GAB2: variants seen among roughly 807,000 people sequenced by gnomAD.
GAB2 encodes GRB2 associated binding protein 2.
A neutral mutation model predicts 65.5 loss-of-function variants in GAB2; 26 were observed. That is an observed-to-expected ratio of 0.40 (90% CI 0.29 to 0.55). The LOEUF is 0.55. GAB2 is among the 20% of genes least tolerant of loss of function. GAB2 has a pLI of 0.53. For missense variants in GAB2, 884 were observed against 875.8 expected (o/e 1.01, Z -0.12); for synonymous variants, 321 against 329.6 (o/e 0.97, Z 0.28).
At chr11:78,306,894 A>G (rs1156280940) in intron 1 of GAB2, among the ~76,000 whole-genome samples, 1 of 152,240 alleles carries the variant, frequency 6.6e-6, no homozygotes, top group Non-Finnish European at 1.5e-5. Flanking sequence ...AGTCACAGAA[A>G]GAGATAAAGT....
intron 1 of GAB2, among the ~76,000 whole-genome samples, chr11:78,413,200 T>C (rs1857151515): frequency 6.6e-6 from 1 of 152,144 alleles, no homozygotes; most frequent in African/African-American, 2.4e-5. Flanking sequence ...AACTCTGAGA[T>C]GGAAATTTAA....
At chr11:78,227,157 A>T in intron 3 of GAB2, 106 bp from the exon 4 acceptor site, 1 of 713,508 alleles carries the variant, frequency 1.4e-6, no homozygotes, top group Non-Finnish European at 2.4e-6. Flanking sequence ...GGCATCTGTA[A>T]AATGGTGACT....
At chr11:78,338,065 A>G (rs1314363163) in intron 1 of GAB2, among the ~76,000 whole-genome samples, 1 of 152,240 alleles carries the variant, frequency 6.6e-6, no homozygotes, top group East Asian at 1.9e-4. Flanking sequence ...TCCATAAAGT[A>G]TAAAATGTTA....
chr11:78,397,124 CA>C (rs1217242048), intron 1 of GAB2, among the ~76,000 whole-genome samples: 1 of 151,856 alleles, frequency 6.6e-6, no homozygotes, highest in African/African-American at 2.4e-5. Flanking sequence ...CAAGTATTAA[CA>C]AAAAAATTCC....
intron 3 of GAB2, among the ~76,000 whole-genome samples, chr11:78,233,766 C>T (rs1287076368): frequency 6.6e-6 from 1 of 152,150 alleles, no homozygotes. Context: ...ACATCCACGC[C>T]TGTCTAATTT....
intron 1 of GAB2, among the ~76,000 whole-genome samples, chr11:78,390,230 C>T (rs971222710): frequency 6.6e-6 from 1 of 152,132 alleles, no homozygotes; most frequent in African/African-American, 2.4e-5. Context: ...CCAGGCTTGG[C>T]GAGGCTATTG....
chr11:78,236,238 A>G (rs186185701), intron 3 of GAB2, among the ~76,000 whole-genome samples: 30 of 152,314 alleles, frequency 2.0e-4, no homozygotes, highest in Non-Finnish European at 3.1e-4. Flanking sequence ...TCATTTTCCA[A>G]TTGTTCACTG....
At chr11:78,416,617 A>T (rs1857199590) in intron 1 of GAB2, among the ~76,000 whole-genome samples, 1 of 152,138 alleles carries the variant, frequency 6.6e-6, no homozygotes, top group African/African-American at 2.4e-5. Flanking sequence ...TTTCATGGGA[A>T]ACGGAGAGGG....
intron 1 of GAB2, among the ~76,000 whole-genome samples, chr11:78,294,521 C>T (rs544430858): frequency 6.6e-6 from 1 of 152,292 alleles, no homozygotes; most frequent in East Asian, 1.9e-4. Flanking sequence ...AACTAGTTTA[C>T]AGTCCCACCA....
intron 1 of GAB2, among the ~76,000 whole-genome samples, chr11:78,377,531 A>T (rs1856646341): frequency 6.6e-6 from 1 of 152,160 alleles, no homozygotes; most frequent in Admixed American, 6.5e-5. Context: ...GGTAGCAGGG[A>T]GTACAGGGGA....
At chr11:78,293,206 C>T (rs1426707492) in intron 1 of GAB2, among the ~76,000 whole-genome samples, 1 of 152,192 alleles carries the variant, frequency 6.6e-6, no homozygotes, top group Non-Finnish European at 1.5e-5. Flanking sequence ...GTTCTGGACT[C>T]ATTCATCTGA....
At chr11:78,399,113 C>T (rs1354904137) in intron 1 of GAB2, among the ~76,000 whole-genome samples, 1 of 152,130 alleles carries the variant, frequency 6.6e-6, no homozygotes, top group Non-Finnish European at 1.5e-5. Context: ...AAGAAGCCAG[C>T]ATAAAAATGG....
intron 5 of GAB2, among the ~76,000 whole-genome samples, chr11:78,224,714 G>T (rs1358886254): frequency 6.6e-6 from 1 of 152,114 alleles, no homozygotes; most frequent in Non-Finnish European, 1.5e-5. Context: ...CCATAATTCT[G>T]CCACTTAGCC....
intron 1 of GAB2, among the ~76,000 whole-genome samples, chr11:78,336,191 G>A (rs1321164118): frequency 6.6e-6 from 1 of 151,724 alleles, no homozygotes; most frequent in African/African-American, 2.4e-5. Context: ...GTGCACGCCT[G>A]TAGTCCCAGC....
chr11:78,345,371 A>G (rs1314764206), intron 1 of GAB2, among the ~76,000 whole-genome samples: 1 of 152,234 alleles, frequency 6.6e-6, no homozygotes, highest in Non-Finnish European at 1.5e-5. Context: ...TTAGAGTTAT[A>G]TAATCACCTG....
intron 8 of GAB2, among the ~76,000 whole-genome samples, chr11:78,221,045 G>A (rs957025831): frequency 6.6e-6 from 1 of 152,188 alleles, no homozygotes; most frequent in Non-Finnish European, 1.5e-5. Context: ...CATTTCTTCA[G>A]ATGACACGCT....
At chr11:78,300,205 C>A (rs1866956230) in intron 1 of GAB2, among the ~76,000 whole-genome samples, 2 of 152,058 alleles carry the variant, frequency 1.3e-5, no homozygotes, top group Admixed American at 1.3e-4. Context: ...AAAATGGAAT[C>A]ATGCAGTATA....
intron 1 of GAB2, among the ~76,000 whole-genome samples, chr11:78,321,343 G>C (rs1000270917): frequency 6.6e-6 from 1 of 152,096 alleles, no homozygotes; most frequent in African/African-American, 2.4e-5. Flanking sequence ...CCGTATGTAT[G>C]GTCTGCTCTA....
At chr11:78,283,880 G>A (rs12361338) in intron 1 of GAB2, among the ~76,000 whole-genome samples, 1 of 151,466 alleles carries the variant, frequency 6.6e-6, no homozygotes, top group Non-Finnish European at 1.5e-5. Context: ...TCAGTTCTGA[G>A]ATTCTTTTTT....
Sources: gnomAD v4.1 joint callset for allele counts (sites outside exome capture counted in the v4.1 genomes callset) on GRCh38, gnomAD v4.1.1 for gene constraint, MANE v1.5 for transcripts, NCBI Gene and HGNC (gene_info 2026-07-23, HGNC 2026-07-21) for gene names.